LRRC37B: variants seen among roughly 807,000 people sequenced by gnomAD.
LRRC37B encodes the protein leucine rich repeat containing 37B, also known as leucine-rich repeat-containing protein 37B.
LRRC37B carries 28 observed loss-of-function variants against 98.3 expected under a neutral mutation model. The observed-to-expected ratio is 0.28, with a 90% confidence interval of 0.21 to 0.39. The LOEUF (loss-of-function observed/expected upper bound fraction) is 0.39. Ranked by LOEUF, LRRC37B falls within the 10% of genes least tolerant of loss-of-function variation. The pLI is 1.00. For synonymous variants in LRRC37B, 364 were observed against 442.7 expected, an observed-to-expected ratio of 0.82 and a Z score of 2.23; for missense variants, 938 against 1,182.7, an observed-to-expected ratio of 0.79 and a Z score of 3.03.
upstream of LRRC37B, among the ~76,000 whole-genome samples, chr17:32,017,569 C>T (rs2142237885): frequency 6.6e-6 from 1 of 152,220 alleles, no homozygotes; most frequent in South Asian, 2.1e-4. Context: ...ATTGGGGAGG[C>T]CAAGACAGAA....
intron 3 of LRRC37B, among the ~76,000 whole-genome samples, chr17:32,029,693 A>T (rs1436025814): frequency 6.6e-6 from 1 of 152,158 alleles, no homozygotes; most frequent in African/African-American, 2.4e-5. Flanking sequence ...GTACCTGTAG[A>T]TTACAAGGAG....
intron 7 of LRRC37B, chr17:32,040,315 C>G (rs371829865): frequency 0.019 from 6,503 of 338,950 alleles, 98 homozygotes; most frequent in South Asian, 0.027. Context: ...TCGAGGTGGC[C>G]CCGGGGCAGG....
At chr17:32,036,025 C>T (rs990586286) in intron 7 of LRRC37B, 11 of 202,778 alleles carry the variant, frequency 5.4e-5, no homozygotes, top group East Asian at 1.7e-4. Flanking sequence ...TTTTTTGAGA[C>T]GGAGTCTCAC....
At chr17:32,035,737 A>G (rs1332009545) in intron 7 of LRRC37B, 98 bp downstream of exon 10, 1 of 1,277,384 alleles carries the variant, frequency 7.8e-7, no homozygotes, top group Non-Finnish European at 1.1e-6. Context: ...TAATTTTCAT[A>G]TAACATTCAC....
chr17:32,050,859 G>A (rs568511452), intron 11 of LRRC37B, among the ~76,000 whole-genome samples: 1 of 152,238 alleles, frequency 6.6e-6, no homozygotes, highest in Admixed American at 6.5e-5. Flanking sequence ...GCCCATTCCT[G>A]GAGCTCGCCT....
chr17:32,009,627 A>G (rs993137933), intron 1 of LRRC37B, among the ~76,000 whole-genome samples: 3 of 150,060 alleles, frequency 2.0e-5, no homozygotes, highest in Non-Finnish European at 4.4e-5. Flanking sequence ...CTTTATTGTT[A>G]TTCTTCTTTT....
intron 2 of LRRC37B, among the ~76,000 whole-genome samples, chr17:32,026,532 G>A (rs1412941297): frequency 2.0e-5 from 3 of 152,172 alleles, no homozygotes; most frequent in Non-Finnish European, 4.4e-5. Context: ...GGGTTCAAGG[G>A]ATTCTCCTGC....
chr17:32,018,588 C>G (rs1329175897), upstream of LRRC37B, among the ~76,000 whole-genome samples: 1 of 152,088 alleles, frequency 6.6e-6, no homozygotes, highest in South Asian at 2.1e-4. Context: ...GGGTTAGTCT[C>G]CCCCGGCCCC....
rs571184321 is a variant in LRRC37B, at chr17:32,047,180, G to A, written c.2324-581G>A. On this transcript the variant is annotated intron_variant, in intron 8 of 11. Transcript: ENST00000327564. ...CTTCTGTGATGGGGCTATGATATGT[G>A]GGAGCAGAGAATGGGGTGGGTGGGT... is the stretch of plus-strand genomic sequence containing the variant. 3.1e-5 allele frequency: 5 copies of A among 163,620 alleles called. No homozygotes were observed. The South Asian group carries it at 7.4e-4, about 24-fold the overall frequency. The allele number at this position is 163,620 out of a possible 1,614,324, so 10.1% of individuals were successfully genotyped here.
chr17:32,021,630 C>T lies in LRRC37B; in HGVS notation c.565C>T (p.Arg189Trp), dbSNP rs754480928. The change falls in exon 1 of 12, where the codon CGG becomes TGG. Residue 189 changes from arginine (R) to tryptophan (W), a missense_variant. Physicochemically the swap from Arg to Trp is moderately radical, Grantham distance 101. Transcript: ENST00000327564. ...GTGGGTTCAAACTACAGATCTAGAT[C>T]GGGCTGCAGGTCATCAGGCAGATGA... 1.5e-5 allele frequency: 25 copies of T among 1,614,186 alleles called. No individual in the cohort carries two copies. Among genetic ancestry groups the T allele is most frequent in the East Asian group, 4.5e-5 (2 of 44,886 alleles).
At chr17:32,050,612 A>ATT (rs1911726263) in intron 11 of LRRC37B, 1 of 152,178 alleles carries the variant, frequency 6.6e-6, no homozygotes, top group African/African-American at 2.4e-5. Flanking sequence ...AAATAGGTCC[A>ATT]GTTAAAGAAC....
chr17:32,024,619 G>A (rs1265500802), intron 1 of LRRC37B, 92 bp from the exon 5 acceptor site: 33 of 1,602,374 alleles, frequency 2.1e-5, no homozygotes, highest in African/African-American at 2.7e-5. Flanking sequence ...TTCTGTTTCC[G>A]AATATCCCCG....
Position 32,041,133 on chromosome 17 carries a change from G to A in LRRC37B, c.2205-4567G>A, listed in dbSNP as rs1598211578. 3.9e-6 allele frequency: 3 copies of A among 768,798 alleles called. 1 individual carries two copies. In the Admixed American group the frequency reaches 5.2e-5, roughly 13 times the overall value. The allele number at this position is 768,798 out of a possible 1,614,324, so 47.6% of individuals were successfully genotyped here. ...CATGCAGATCCTGGACGAGCTGGCA[G>A]AGAAGCTCAAGCGCAGGATGCGGGA... On this transcript the variant is annotated intron_variant, in intron 7 of 11. Coordinates refer to ENST00000327564, the Ensembl canonical transcript of LRRC37B.
In LRRC37B at chr17:32,047,904, G is replaced by A. The variant is rs570413164; in HGVS notation, c.2464+3G>A. ...CATCAACTTGTCAGGCTTTGGGGGT[G>A]AGCAGCTAGACACCAATGACGAGAG... On this transcript the variant is annotated splice_donor_region_variant and intron_variant, in intron 9 of 11. Coordinates refer to ENST00000327564, the Ensembl canonical transcript of LRRC37B. 2.0e-4 allele frequency: 324 copies of A among 1,614,118 alleles called. No homozygotes were observed. Among genetic ancestry groups the A allele is most frequent in the Admixed American group, 4.0e-4 (24 of 60,006 alleles).
chr17:32,052,472 C>CGGA (rs2142265492), intron 11 of LRRC37B: 1 of 152,234 alleles, frequency 6.6e-6, no homozygotes, highest in African/African-American at 2.4e-5. Context: ...TGAATGTTAG[C>CGGA]TAAAACAGTC....
chr17:32,016,539 A>G (rs1296364198), upstream of LRRC37B, among the ~76,000 whole-genome samples: 3 of 152,026 alleles, frequency 2.0e-5, no homozygotes, highest in East Asian at 1.9e-4. Flanking sequence ...CCTACTTTCC[A>G]CTTGGTAAGG....
chr17:32,051,729 G>T (rs556745040), intron 11 of LRRC37B: 4 of 152,252 alleles, frequency 2.6e-5, no homozygotes, highest in African/African-American at 7.2e-5. Context: ...AAACTATCTT[G>T]GGATTTGAAT....
chr17:32,051,571 C>G (rs546821171), intron 11 of LRRC37B: 1 of 151,578 alleles, frequency 6.6e-6, no homozygotes, highest in African/African-American at 2.4e-5. Flanking sequence ...GTCCCCATTT[C>G]TTGGACACCA....
At chr17:32,020,965 T>G (rs1489047566), upstream of LRRC37B, 2 of 1,466,930 alleles carry the variant, frequency 1.4e-6, no homozygotes, top group East Asian at 2.5e-5. Context: ...GAAGGGGCGC[T>G]TGGGCGGGAT....
Sources: allele counts gnomAD v4.1 joint callset (sites outside exome capture counted in the v4.1 genomes callset), GRCh38; gene constraint gnomAD v4.1.1; transcripts MANE v1.5; gene names NCBI Gene and HGNC (gene_info 2026-07-23, HGNC 2026-07-21).